ZNF774: variants seen among roughly 807,000 people sequenced by gnomAD.
ZNF774 encodes zinc finger protein 774.
ZNF774 carries 14 observed loss-of-function variants against 11.1 expected under a neutral mutation model. That is an observed-to-expected ratio of 1.26 (90% CI 0.83 to 1.97). ZNF774 has a LOEUF of 1.97. Ranked by LOEUF, ZNF774 falls within the 30% of genes most tolerant of loss-of-function variation. The pLI, the probability that ZNF774 is intolerant of heterozygous loss-of-function variation, is 0.00. For missense variants in ZNF774, 599 were observed against 587.0 expected, an observed-to-expected ratio of 1.02 and a Z score of -0.21; for synonymous variants, 195 against 212.6, an observed-to-expected ratio of 0.92 and a Z score of 0.72.
At chr15:90,354,395 A>G (rs1342913948) in intron 1 of ZNF774, among the ~76,000 whole-genome samples, 1 of 152,174 alleles carries the variant, frequency 6.6e-6, no homozygotes, top group Non-Finnish European at 1.5e-5. Context: ...TGTCTAAAAG[A>G]CTGGGTTCTG....
In ZNF774 at chr15:90,360,555, A is replaced by G. The variant is rs1396701273; in HGVS notation, c.724A>G (p.Lys242Glu). 1.2e-6 allele frequency: 2 copies of G among 1,613,944 alleles called. No homozygotes were observed. Among genetic ancestry groups the G allele is most frequent in the East Asian group, 4.5e-5 (2 of 44,874 alleles). Reference sequence around the variant, plus strand: ...ACCCTATGAGTGCCCAGAGTGTGGAAAGACTTTTGGGCGGAAGCCACACCT... The same window carrying G: ...ACCCTATGAGTGCCCAGAGTGTGGAGAGACTTTTGGGCGGAAGCCACACCT... ...ERPYECPECGKTFGRKPHLIM... is the reference protein window; with the variant it reads ...ERPYECPECGETFGRKPHLIM... The change falls in exon 4 of 4, where the codon AAG (lysine) becomes GAG (glutamate). Residue 242 changes from lysine to glutamate, a missense_variant. By Grantham distance (56) the Lys-to-Glu change is moderately conservative. Transcript: ENST00000354377.
intron 1 of ZNF774, 140 bp from the exon 2 acceptor site, chr15:90,354,502 G>T (rs1461463790): frequency 1.7e-6 from 1 of 605,344 alleles, no homozygotes; most frequent in Non-Finnish European, 2.9e-6. Flanking sequence ...ACCCCTCTGT[G>T]GTTGACAGAA....
Position 90,360,544 on chromosome 15 carries a change from C to G in ZNF774, c.713C>G (p.Pro238Arg). The stretch of plus-strand genomic sequence containing the variant: ...ACAGGGGAGAGACCCTATGAGTGCC[C>G]AGAGTGTGGAAAGACTTTTGGGCGG... ...THTGERPYECPECGKTFGRKP... is the reference protein window; with the variant it reads ...THTGERPYECRECGKTFGRKP... The change falls in exon 4 of 4, where the codon CCA becomes CGA. Residue 238 changes from proline to arginine, a missense_variant. Transcript: ENST00000354377. 6 of 1,613,488 alleles carry G rather than the reference C, an allele frequency of 3.7e-6. No homozygotes were observed. The highest frequency in any genetic ancestry group is 5.1e-6 in the Non-Finnish European group (6 of 1,179,856).
intron 1 of ZNF774, among the ~76,000 whole-genome samples, chr15:90,353,249 G>A (rs1433298047): frequency 1.3e-5 from 2 of 152,086 alleles, no homozygotes; most frequent in African/African-American, 4.8e-5. Flanking sequence ...TTACAGTCAT[G>A]AGCCACAGCA....
Position 90,361,245 on chromosome 15 carries a change from G to C in ZNF774, c.1414G>C (p.Ala472Pro). Residue 472 changes from alanine to proline, a missense_variant, in exon 4 of 4, where the codon GCG becomes CCG. Transcript: ENST00000354377. ...SKCNKSFRQK[A>P]HLLCHQNTHL... Reference sequence around the variant, plus strand: ...ATGTAACAAGAGCTTCCGTCAGAAAGCGCATCTTTTATGCCATCAAAACAC... The same window carrying C: ...ATGTAACAAGAGCTTCCGTCAGAAACCGCATCTTTTATGCCATCAAAACAC... 6.2e-7 allele frequency: 1 copy of C among 1,610,784 alleles called. No individual in the cohort carries two copies. Among genetic ancestry groups the C allele is most frequent in the Non-Finnish European group, 8.5e-7 (1 of 1,178,090 alleles).
chr15:90,362,473 A>G lies in ZNF774; in HGVS notation c.*1190A>G. The G allele has an allele frequency of 7.3e-7, 1 of 1,377,338 alleles. No homozygotes were observed. Among genetic ancestry groups the G allele is most frequent in the Non-Finnish European group, 1.0e-6 (1 of 1,004,132 alleles). The allele number at this position is 1,377,338 out of a possible 1,614,324, so 85.3% of individuals were successfully genotyped here. On this transcript the variant is annotated 3_prime_UTR_variant, in exon 4 of 4. Coordinates refer to ENST00000354377, the MANE Select transcript of ZNF774 (RefSeq NM_001004309.3). ...CCCTGGCATTTAGCTGAAGGAAGCA[A>G]CTCTTGTTTTCTAATTTGCTGGGTC...
chr15:90,362,721 C>G lies in ZNF774; in HGVS notation c.*1438C>G. 4.2e-6 allele frequency: 3 copies of G among 718,532 alleles called. No individual in the cohort carries two copies. The highest frequency in any genetic ancestry group is 2.1e-5 in the Admixed American group (1 of 47,088). The allele number at this position is 718,532 out of a possible 1,614,324, so 44.5% of individuals were successfully genotyped here. A position where few individuals can be genotyped will look rare whatever the true frequency, so the allele number is the denominator to read the frequency against. ...TCCCAGCCTCAAGTTTTACCTACCT[C>G]ACAAGGTTGTTGTGAGGATCTAAAA... On this transcript the variant is annotated 3_prime_UTR_variant, in exon 4 of 4. Coordinates refer to ENST00000354377, the MANE Select transcript of ZNF774 (RefSeq NM_001004309.3).
rs1232727952 is a variant in ZNF774 at position 90,360,381 on chromosome 15, T to C, written c.550T>C (p.Cys184Arg). Residue 184 changes from cysteine to arginine, a missense_variant, in exon 4 of 4, where the codon TGT becomes CGT. By Grantham distance (180) the Cys-to-Arg change is radical. Coordinates refer to ENST00000354377, the MANE Select transcript of ZNF774 (RefSeq NM_001004309.3). ...TGERPYTCIE[C>R]GKGFKQSSDL... ...CGAGAGGCCCTATACGTGCATTGAG[T>C]GTGGGAAAGGCTTCAAACAGAGCTC... 1 of 1,613,860 alleles carries C rather than the reference T, an allele frequency of 6.2e-7. No homozygotes were observed. Among genetic ancestry groups the C allele is most frequent in the South Asian group, 1.1e-5 (1 of 91,062 alleles).
chr15:90,358,974 C>A lies in ZNF774; in HGVS notation c.211+17C>A. 6.3e-7 allele frequency: 1 copy of A among 1,590,652 alleles called. No individual in the cohort carries two copies. The highest frequency in any genetic ancestry group is 8.6e-7 in the Non-Finnish European group (1 of 1,159,740). ...GCCACACAGGTGAGATGTGAGTGCT[C>A]CCCAGTGGAAGGAAATCTAGCATTT... On this transcript the variant is annotated intron_variant, in intron 3 of 3. Transcript: ENST00000354377.
At position 90,360,983 on chromosome 15, in the gene ZNF774, C is replaced by T. The variant is rs201723209; in HGVS notation, c.1152C>T (p.Phe384=). 3.8e-5 allele frequency: 61 copies of T among 1,613,970 alleles called. No homozygotes were observed. Among genetic ancestry groups the T allele is most frequent in the East Asian group, 1.3e-4 (6 of 44,888 alleles). ...PFKCENCGKG[F]ADSSALIKHQ... is the part of the protein sequence containing the mutation. Reference sequence around the variant, plus strand: ...AGTGCGAAAACTGTGGGAAAGGATTCGCCGACAGCTCCGCCCTCATTAAGC... The same window carrying T: ...AGTGCGAAAACTGTGGGAAAGGATTTGCCGACAGCTCCGCCCTCATTAAGC... The change falls in exon 4 of 4, where the codon TTC becomes TTT. Residue 384 remains phenylalanine (F), a synonymous_variant. Coordinates refer to ENST00000354377, the MANE Select transcript of ZNF774 (RefSeq NM_001004309.3).
At position 90,361,001 on chromosome 15, in the gene ZNF774, C is replaced by T; in HGVS notation, c.1170C>T (p.Leu390=). ...AAGGATTCGCCGACAGCTCCGCCCT[C>T]ATTAAGCACCAACGAATCCACACCG... ...CGKGFADSSA[L]IKHQRIHTGE... The change falls in exon 4 of 4, where the codon CTC becomes CTT. Residue 390 remains leucine (L), a synonymous_variant. Coordinates refer to ENST00000354377, the MANE Select transcript of ZNF774 (RefSeq NM_001004309.3). 1 of 1,614,016 alleles carries T rather than the reference C, an allele frequency of 6.2e-7. No homozygotes were observed. Among genetic ancestry groups the T allele is most frequent in the Non-Finnish European group, 8.5e-7 (1 of 1,180,008 alleles).
rs1567103084 is a variant in ZNF774 at position 90,361,192 on chromosome 15, CAGG to C, written c.1364_1366del (p.Gly455del). On this transcript the variant is annotated inframe_deletion, in exon 4 of 4. Coordinates refer to ENST00000354377, the MANE Select transcript of ZNF774 (RefSeq NM_001004309.3). ...TTCCTCACACACCAGAGAACGCATA[CAGG>C]AGAAAAACCTTTCCACTGTAGTAAA... is the stretch of plus-strand genomic sequence containing the variant. 4.3e-6 allele frequency: 7 copies of C among 1,614,058 alleles called. No homozygotes were observed. The highest frequency in any genetic ancestry group is 5.9e-6 in the Non-Finnish European group (7 of 1,180,044).
chr15:90,362,519 T>C lies in ZNF774; in HGVS notation c.*1236T>C, dbSNP rs933512774. ...GGGTCATTGGCCATTTAGTTTTAGGTTAATATAATTCTCTGATCCTTTTAG... is the reference window on the plus strand; with the variant it reads ...GGGTCATTGGCCATTTAGTTTTAGGCTAATATAATTCTCTGATCCTTTTAG... On this transcript the variant is annotated 3_prime_UTR_variant, in exon 4 of 4. Transcript: ENST00000354377. 5.9e-6 allele frequency: 9 copies of C among 1,534,768 alleles called. No individual in the cohort carries two copies. The highest frequency in any genetic ancestry group is 7.9e-6 in the Non-Finnish European group (9 of 1,145,834).
At chr15:90,352,684 C>G (rs578030362) in intron 1 of ZNF774, among the ~76,000 whole-genome samples, 1 of 151,918 alleles carries the variant, frequency 6.6e-6, no homozygotes, top group African/African-American at 2.4e-5. Context: ...CCGGTTAGGG[C>G]GCGAGCACCG....
At chr15:90,359,548 G>A (rs1452082616) in intron 3 of ZNF774, among the ~76,000 whole-genome samples, 3 of 151,586 alleles carry the variant, frequency 2.0e-5, no homozygotes, top group Non-Finnish European at 4.4e-5. Flanking sequence ...TCCGCCTCCC[G>A]GGTTCAAGTG....
intron 2 of ZNF774, among the ~76,000 whole-genome samples, chr15:90,357,972 C>A (rs1964271201): frequency 6.6e-6 from 1 of 151,266 alleles, no homozygotes; most frequent in African/African-American, 2.4e-5. Flanking sequence ...CTCGATTCAC[C>A]ATAACCTCTG....
chr15:90,353,209 C>T (rs1596227683), intron 1 of ZNF774, among the ~76,000 whole-genome samples: 3 of 152,156 alleles, frequency 2.0e-5, no homozygotes, highest in Admixed American at 6.5e-5. Context: ...CCAGGTGATC[C>T]GCCCGTCTCG....
At chr15:90,355,740 A>C (rs1293751217) in intron 2 of ZNF774, among the ~76,000 whole-genome samples, 1 of 142,966 alleles carries the variant, frequency 7.0e-6, no homozygotes, top group South Asian at 2.2e-4. Context: ...AAAAAAAAAA[A>C]AAAAACAAGG....
At position 90,362,583 on chromosome 15, in the gene ZNF774, A is replaced by G. The variant is rs1964351753; in HGVS notation, c.*1300A>G. On this transcript the variant is annotated 3_prime_UTR_variant, in exon 4 of 4. Transcript: ENST00000354377. ...ATGCACTAGTACATTCCTACATTCA[A>G]TTGAAATAAATTGAGGGACGGCAAG... 4 of 1,535,482 alleles carry G rather than the reference A, an allele frequency of 2.6e-6. No individual in the cohort carries two copies. Among genetic ancestry groups the G allele is most frequent in the African/African-American group, 2.7e-5 (2 of 73,004 alleles).
Sources: gnomAD v4.1 joint callset for allele counts (sites outside exome capture counted in the v4.1 genomes callset) on GRCh38, gnomAD v4.1.1 for gene constraint, MANE v1.5 for transcripts, NCBI Gene and HGNC (gene_info 2026-07-23, HGNC 2026-07-21) for gene names.